Variants in NPHP3 observed in about 807,000 individuals in gnomAD.
NPHP3 encodes nephrocystin-3.
In NPHP3, 123 loss-of-function variants were observed where a neutral mutation model predicts 171.9. The observed-to-expected ratio is 0.72, with a 90% CI of 0.62 to 0.83. The LOEUF is 0.83. NPHP3 is among the 40% of genes least tolerant of loss of function. The pLI is 0.00. For missense variants in NPHP3, 1,506 were observed against 1,591.9 expected (o/e 0.95, Z 0.92); for synonymous variants, 558 against 579.2 (o/e 0.96, Z 0.52).
chr3:132,689,106 G>A lies in NPHP3; in HGVS notation c.2851C>T (p.Arg951Ter), dbSNP rs148670389. The change falls in exon 20 of 27, where the codon CGA (arginine) becomes TGA (stop). Residue 951 changes from arginine to a stop codon, truncating the protein, a stop_gained. Coordinates refer to ENST00000337331, the MANE Select transcript of NPHP3 (RefSeq NM_153240.5). LOFTEE classifies it high-confidence loss of function. ...CLADLYETLG[R>*]FLKDLGLLSQ... ...AGAAGGCCTAGATCCTTGAGAAATC[G>A]CCCCAAGGTTTCATAAAGATCAGCT... The A allele has an allele frequency of 2.2e-5, 35 of 1,613,914 alleles. No individual in the cohort carries two copies. The highest frequency in any genetic ancestry group is 5.5e-5 in the South Asian group (5 of 91,082).
Position 132,682,184 on chromosome 3 carries a change from T to C in NPHP3, c.3813-94A>G. The C allele has an allele frequency of 3.4e-6, 4 of 1,174,582 alleles. No individual in the cohort carries two copies. The Admixed American group carries it at 7.4e-5, about 22-fold the overall frequency. The allele number at this position is 1,174,582 out of a possible 1,614,324, so 72.8% of individuals were successfully genotyped here. On this transcript the variant is annotated intron_variant, in intron 26 of 26. Coordinates refer to ENST00000337331, the MANE Select transcript of NPHP3 (RefSeq NM_153240.5). ...GGGATACAGAAAAAGAAGCTGTAAA[T>C]ATTTGCCCATTTCCCCTCTTTTTCC...
At chr3:132,687,421 T>C (rs1231170166) in intron 21 of NPHP3, among the ~76,000 whole-genome samples, 195 bp from the exon 22 acceptor site, 2 of 152,158 alleles carry the variant, frequency 1.3e-5, no homozygotes, top group South Asian at 2.1e-4. Flanking sequence ...AACACTAAGA[T>C]ATCTTAGTCT....
Position 132,688,701 on chromosome 3 carries a change from T to C in NPHP3, c.3074A>G (p.Tyr1025Cys). 2 of 1,614,186 alleles carry C rather than the reference T, an allele frequency of 1.2e-6. No homozygotes were observed. Among genetic ancestry groups the C allele is most frequent in the South Asian group, 1.1e-5 (1 of 91,086 alleles). Residue 1025 changes from tyrosine to cysteine, a missense_variant, in exon 21 of 27, where the codon TAT (tyrosine) becomes TGT (cysteine). Physicochemically the swap from Tyr to Cys is radical, Grantham distance 194. This residue lies in a region of NPHP3 where 569 missense variants were observed against 648.1 expected (regional missense o/e 0.88). Coordinates refer to ENST00000337331, the MANE Select transcript of NPHP3 (RefSeq NM_153240.5). ...AAGTGCTTCAAGTTCACGAGCAGTA[T>C]ATGGATGGTCCGCACCATAAGCATT... Reference protein sequence around the residue: ...SENAYGADHPYTARELEALAT... With the variant: ...SENAYGADHPCTARELEALAT...
intron 4 of NPHP3, among the ~76,000 whole-genome samples, 196 bp from the exon 5 acceptor site, chr3:132,715,414 A>G (rs1045294272): frequency 3.3e-5 from 5 of 152,254 alleles, no homozygotes; most frequent in African/African-American, 9.6e-5. Context: ...ACTTGAAGCA[A>G]TGAATGTCAC....
At chr3:132,699,212 TC>T in intron 13 of NPHP3, 140 bp downstream of exon 13, 1 of 647,960 alleles carries the variant, frequency 1.5e-6, no homozygotes, top group South Asian at 1.8e-5. Flanking sequence ...TATTTTTTTT[TC>T]ATAAATTCAC....
At position 132,697,171 on chromosome 3, in the gene NPHP3, T is replaced by C. The variant is rs1302544984; in HGVS notation, c.2088+89A>G. ...AAACTCCAGTTTTCCTTATAACAGA[T>C]CCCCTATATTGAATTTTAAGTCTCA... On this transcript the variant is annotated intron_variant, in intron 14 of 26. Transcript: ENST00000337331. 19 of 900,052 alleles carry C rather than the reference T, an allele frequency of 2.1e-5. 1 individual carries two copies. Among genetic ancestry groups the C allele is most frequent in the Middle Eastern group, 2.3e-4 (1 of 4,392 alleles). 55.8% of individuals were successfully genotyped at this position (900,052 alleles called of 1,614,324 possible). A position where few individuals can be genotyped will look rare whatever the true frequency, so the allele number is the denominator to read the frequency against.
Position 132,681,052 on chromosome 3 carries a change from GGT to G in NPHP3, c.*856_*857del, listed in dbSNP as rs913704401. On this transcript the variant is annotated 3_prime_UTR_variant, in exon 27 of 27. Coordinates refer to ENST00000337331, the MANE Select transcript of NPHP3 (RefSeq NM_153240.5). ...ACTGGACCAATCTGCTCAAGGAAAA[GGT>G]AAAGAATTTTTTAAAGTGCAGCAAT... The G allele has an allele frequency of 3.1e-4, 47 of 152,244 alleles. No individual in the cohort carries two copies. Among genetic ancestry groups the G allele is most frequent in the African/African-American group, 1.1e-3 (44 of 41,556 alleles). 9.4% of individuals were successfully genotyped at this position (152,244 alleles called of 1,614,324 possible).
At chr3:132,690,454 C>T (rs1372875214) in intron 19 of NPHP3, 74 bp downstream of exon 19, 2 of 1,421,330 alleles carry the variant, frequency 1.4e-6, no homozygotes, top group Non-Finnish European at 2.0e-6. Context: ...ATTAAAAATA[C>T]CATTTTTTCT....
chr3:132,684,717 T>C lies in NPHP3; in HGVS notation c.3407A>G (p.Gln1136Arg). The change falls in exon 24 of 27, where the codon CAG becomes CGG. Residue 1136 changes from glutamine (Q) to arginine (R), a missense_variant. Physicochemically the swap from Gln to Arg is conservative, Grantham distance 43. This residue lies in a region of NPHP3 where 569 missense variants were observed against 648.1 expected (regional missense o/e 0.88). Transcript: ENST00000337331. ...TAGAGCTGCCAGATTATTCAAAGAC[T>C]GAGCACAGTCAGGGTGATCTGGTCC... ...VLGPDHPDCA[Q>R]SLNNLAALCN... 6.2e-7 allele frequency: 1 copy of C among 1,614,130 alleles called. No homozygotes were observed. The highest frequency in any genetic ancestry group is 8.5e-7 in the Non-Finnish European group (1 of 1,179,992).
chr3:132,706,802 A>C (rs1471605765), intron 7 of NPHP3, among the ~76,000 whole-genome samples: 2 of 152,232 alleles, frequency 1.3e-5, no homozygotes, highest in Middle Eastern at 3.2e-3. Flanking sequence ...AAATAGAATA[A>C]AAAAGATAAA....
intron 15 of NPHP3, among the ~76,000 whole-genome samples, chr3:132,695,572 A>G (rs1310505402): frequency 2.6e-5 from 4 of 152,226 alleles, no homozygotes; most frequent in African/African-American, 4.8e-5. Context: ...AATCATACTC[A>G]TTGTATCACT....
chr3:132,693,359 G>A (rs542703502), intron 16 of NPHP3: 3 of 159,390 alleles, frequency 1.9e-5, no homozygotes, highest in African/African-American at 2.4e-5. Flanking sequence ...GGGATGGAAG[G>A]TGAGCCCTTA....
rs199956251 is a variant in NPHP3 at position 132,719,011 on chromosome 3, T to C, written c.653A>G (p.Asn218Ser). Residue 218 changes from asparagine to serine, a missense_variant, in exon 3 of 27, where the codon AAC becomes AGC. Asn to Ser is a conservative substitution (Grantham distance 46). Around this residue, in one of 3 missense-constraint regions of NPHP3, gnomAD observed 930 missense variants for 924.9 expected, o/e 1.01. Coordinates refer to ENST00000337331, the MANE Select transcript of NPHP3 (RefSeq NM_153240.5). ...ACACTTACCAGTGACATCTGTACAG[T>C]TGTCATCTGAATCAGACTCCCCAGG... ...FDPGESDSDDNCTDVTAAGTQ... is the reference protein window; with the variant it reads ...FDPGESDSDDSCTDVTAAGTQ... The C allele has an allele frequency of 3.9e-5, 63 of 1,613,860 alleles. 1 individual carries two copies. The highest frequency in any genetic ancestry group is 1.1e-4 in the South Asian group (10 of 91,076).
At position 132,700,056 on chromosome 3, in the gene NPHP3, C is replaced by T; in HGVS notation, c.1749G>A (p.Met583Ile). 1 of 1,614,046 alleles carries T rather than the reference C, an allele frequency of 6.2e-7. No individual in the cohort carries two copies. ...GAGCAGAGACTGACCAAGAGTGCTGCATCAACTACAAGATAAGAACACACA... is the reference window on the plus strand; with the variant it reads ...GAGCAGAGACTGACCAAGAGTGCTGTATCAACTACAAGATAAGAACACACA... ...LIIKRLTLKL[M>I]QHSWSVSALT... is the part of the protein sequence containing the mutation. Residue 583 changes from methionine to isoleucine, a missense_variant, in exon 12 of 27, where the codon ATG (methionine) becomes ATA (isoleucine). Coordinates refer to ENST00000337331, the MANE Select transcript of NPHP3 (RefSeq NM_153240.5).
intron 9 of NPHP3, among the ~76,000 whole-genome samples, chr3:132,702,209 A>G (rs76055795): frequency 0.013 from 2,025 of 152,288 alleles, 48 homozygotes; most frequent in African/African-American, 0.046. Flanking sequence ...ATACTGCAGA[A>G]GACCTTGAAG....
chr3:132,705,157 T>C (rs547045919), intron 8 of NPHP3, among the ~76,000 whole-genome samples: 104 of 152,252 alleles, frequency 6.8e-4, no homozygotes, highest in African/African-American at 2.3e-3. Context: ...TAATAAATAA[T>C]CACTATTACT....
chr3:132,719,895 T>C, intron 1 of NPHP3, 65 bp from the exon 2 acceptor site: 1 of 610,970 alleles, frequency 1.6e-6, no homozygotes, highest in Non-Finnish European at 2.3e-6. Flanking sequence ...TACATTCTTA[T>C]ATATATACAT....
chr3:132,702,503 A>G (rs1425082915), intron 9 of NPHP3, among the ~76,000 whole-genome samples: 1 of 152,176 alleles, frequency 6.6e-6, no homozygotes, highest in Non-Finnish European at 1.5e-5. Flanking sequence ...AAACCAAAAT[A>G]TCTTAGTACT....
At chr3:132,719,868 G>C in intron 1 of NPHP3, 38 bp from the exon 2 acceptor site, 1 of 1,446,874 alleles carries the variant, frequency 6.9e-7, no homozygotes, top group Middle Eastern at 2.3e-4. Flanking sequence ...AACAAAAATA[G>C]TCTTGCTCCT....
Sources: allele counts gnomAD v4.1 joint callset (sites outside exome capture counted in the v4.1 genomes callset), GRCh38; gene constraint gnomAD v4.1.1; regional missense constraint gnomAD v4.1.1; transcripts MANE v1.5; gene names NCBI Gene and HGNC (gene_info 2026-07-23, HGNC 2026-07-21).